LYRM1: variants seen among roughly 807,000 people sequenced by gnomAD.
LYRM1 encodes LYR motif containing 1.
In LYRM1, 14 loss-of-function variants were observed where a neutral mutation model predicts 14.9. That is an observed-to-expected ratio of 0.94 (90% CI 0.62 to 1.47). LYRM1 has a LOEUF of 1.47. Among genes scored for constraint, LYRM1 ranks in the 40% most tolerant of loss-of-function variants. The pLI, the probability that LYRM1 is intolerant of heterozygous loss-of-function variation, is 0.00. For synonymous variants in LYRM1, 43 were observed against 56.2 expected (o/e 0.77, Z 1.05); for missense variants, 153 against 149.9 (o/e 1.02, Z -0.11).
intron 1 of LYRM1, among the ~76,000 whole-genome samples, chr16:20,905,050 A>G (rs959142609): frequency 6.6e-6 from 1 of 152,194 alleles, no homozygotes; most frequent in African/African-American, 2.4e-5. Context: ...AGGGATTATT[A>G]ATGATCAGAG....
intron 2 of LYRM1, among the ~76,000 whole-genome samples, chr16:20,919,036 ACTTGCAAACT>A (rs1375946824): frequency 9.2e-5 from 14 of 152,206 alleles, no homozygotes; most frequent in Non-Finnish European, 1.9e-4. Context: ...TTTGAAGTCC[ACTTGCAAACT>A]CCTAGCAGAG....
intron 1 of LYRM1, among the ~76,000 whole-genome samples, chr16:20,907,081 C>G (rs1160287268): frequency 6.6e-6 from 1 of 152,138 alleles, no homozygotes; most frequent in Non-Finnish European, 1.5e-5. Flanking sequence ...TTGACCCTGA[C>G]TCCTGTCAAC....
Position 20,920,181 on chromosome 16 carries a change from T to G in LYRM1, c.219T>G (p.Ile73Met). The G allele has an allele frequency of 6.2e-7, 1 of 1,614,110 alleles. No homozygotes were observed. Residue 73 changes from isoleucine to methionine, a missense_variant, in exon 3 of 4, where the codon ATT becomes ATG. Coordinates refer to ENST00000567954, the MANE Select transcript of LYRM1 (RefSeq NM_001128302.3). Reference protein sequence around the residue: ...CIDECTARIEIGLHYKIPYPR... With the variant: ...CIDECTARIEMGLHYKIPYPR... The stretch of plus-strand genomic sequence containing the variant: ...ATGAATGCACAGCCAGGATTGAAAT[T>G]GGACTGCATTACAAGATTCCTTACC...
intron 2 of LYRM1, among the ~76,000 whole-genome samples, chr16:20,918,415 G>A (rs2083019065): frequency 1.3e-5 from 2 of 152,166 alleles, no homozygotes; most frequent in Non-Finnish European, 1.5e-5. Context: ...TTTAAGATAC[G>A]TACTTGCTTT....
Position 20,915,658 on chromosome 16 carries a change from A to T in LYRM1, c.103A>T (p.Lys35Ter). 1 of 1,614,158 alleles carries T rather than the reference A, an allele frequency of 6.2e-7. No individual in the cohort carries two copies. The highest frequency in any genetic ancestry group is 8.5e-7 in the Non-Finnish European group (1 of 1,180,012). Residue 35 changes from lysine (K) to a stop codon, truncating the protein, a stop_gained, in exon 2 of 4, where the codon AAA (lysine) becomes TAA (stop). Coordinates refer to ENST00000567954, the MANE Select transcript of LYRM1 (RefSeq NM_001128302.3). LOFTEE classifies it high-confidence loss of function. ...ATCAGGGCAGATGGAAGACACCATCAAAGAAAAACAGTACATACTAAATGA... is the reference window on the plus strand; with the variant it reads ...ATCAGGGCAGATGGAAGACACCATCTAAGAAAAACAGTACATACTAAATGA... ...ATSGQMEDTI[K>*]EKQYILNEAR... is the part of the protein sequence containing the mutation.
At chr16:20,922,924 C>CT (rs1302929478) in intron 3 of LYRM1, among the ~76,000 whole-genome samples, 1 of 152,064 alleles carries the variant, frequency 6.6e-6, no homozygotes, top group African/African-American at 2.4e-5. Flanking sequence ...CCTGAGAACC[C>CT]AAGGGGCCAA....
At chr16:20,921,377 C>CA (rs1440545557) in intron 3 of LYRM1, 3 of 152,106 alleles carry the variant, frequency 2.0e-5, no homozygotes, top group Non-Finnish European at 4.4e-5. Context: ...AGGCATGAGC[C>CA]ACCGTGCCTG....
chr16:20,922,209 C>G (rs1340554692), intron 3 of LYRM1, among the ~76,000 whole-genome samples: 2 of 151,914 alleles, frequency 1.3e-5, no homozygotes, highest in African/African-American at 4.8e-5. Context: ...AGGCTGGTCT[C>G]GAACTCCTGG....
intron 2 of LYRM1, among the ~76,000 whole-genome samples, chr16:20,919,038 T>C (rs1305182274): frequency 6.6e-6 from 1 of 152,188 alleles, no homozygotes; most frequent in Admixed American, 6.5e-5. Context: ...TGAAGTCCAC[T>C]TGCAAACTCC....
intron 1 of LYRM1, among the ~76,000 whole-genome samples, chr16:20,910,063 C>T (rs1403433347): frequency 6.6e-6 from 1 of 152,134 alleles, no homozygotes; most frequent in Non-Finnish European, 1.5e-5. Flanking sequence ...CTGAGACATC[C>T]ATATTTTCAC....
rs75851776 is a variant in LYRM1, at chr16:20,918,147, G to A, written c.160-1975G>A. ...TAGCTTCAGGTATCAGAGTTGTTCT[G>A]CCCAAGTAATAACTTTGATAGTTGA... On this transcript the variant is annotated intron_variant, in intron 2 of 3. Transcript: ENST00000567954. Among the ~76,000 whole-genome samples the A allele has an allele frequency of 6.4e-4, 98 of 152,168 alleles. 1 individual carries two copies. In the East Asian group the frequency reaches 0.015, roughly 23 times the overall value.
chr16:20,920,063 A>G, intron 2 of LYRM1, 59 bp from the exon 3 acceptor site: 2 of 1,165,932 alleles, frequency 1.7e-6, no homozygotes, highest in African/African-American at 1.5e-5. Flanking sequence ...ATGTATACCT[A>G]TACTCTATGT....
intron 1 of LYRM1, among the ~76,000 whole-genome samples, chr16:20,909,945 A>G (rs777398302): frequency 6.6e-6 from 1 of 152,204 alleles, no homozygotes; most frequent in Non-Finnish European, 1.5e-5. Context: ...GACTTTAACA[A>G]ACCATTACTT....
intron 2 of LYRM1, 43 bp from the exon 3 acceptor site, chr16:20,920,079 T>C: frequency 7.3e-7 from 1 of 1,363,762 alleles, no homozygotes; most frequent in Non-Finnish European, 1.0e-6. Context: ...TATGTACCAT[T>C]AGAAAGATAC....
In LYRM1 at chr16:20,924,112, C is replaced by A; in HGVS notation, c.365C>A (p.Ser122Tyr). Residue 122 changes from serine to tyrosine, a missense_variant, in exon 4 of 4, where the codon TCC becomes TAC. By Grantham distance (144) the Ser-to-Tyr change is moderately radical. Transcript: ENST00000567954. ...TATCTCAGATCTCATGATGAAGTTT[C>A]CTAATCTAGAGGAAAGTTTATTTCT... ...PVYLRSHDEVS is the reference protein window; with the variant it reads ...PVYLRSHDEVY 6.4e-7 allele frequency: 1 copy of A among 1,558,896 alleles called. No individual in the cohort carries two copies. Among genetic ancestry groups the A allele is most frequent in the South Asian group, 1.1e-5 (1 of 87,912 alleles).
intron 1 of LYRM1, among the ~76,000 whole-genome samples, chr16:20,912,633 A>G (rs182290884): frequency 3.6e-4 from 55 of 152,308 alleles, no homozygotes; most frequent in African/African-American, 1.2e-3. Context: ...TAGATAGTAC[A>G]TTGGGATATC....
intron 1 of LYRM1, among the ~76,000 whole-genome samples, chr16:20,911,753 C>A (rs2082605426): frequency 6.6e-6 from 1 of 151,874 alleles, no homozygotes. Flanking sequence ...AGAGGGGGGG[C>A]TGAAATACTT....
chr16:20,922,584 GGT>G (rs1596815939), intron 3 of LYRM1, among the ~76,000 whole-genome samples: 2 of 152,178 alleles, frequency 1.3e-5, no homozygotes, highest in East Asian at 3.9e-4. Flanking sequence ...CCACCTCCTG[GGT>G]TCAAGCGATT....
chr16:20,913,283 A>G (rs1185557497), intron 1 of LYRM1, among the ~76,000 whole-genome samples: 2 of 148,722 alleles, frequency 1.3e-5, no homozygotes, highest in East Asian at 2.0e-4. Flanking sequence ...TTGTAACTGT[A>G]TGGCTATTAT....
Sources: gnomAD v4.1 joint callset for allele counts (sites outside exome capture counted in the v4.1 genomes callset) on GRCh38, gnomAD v4.1.1 for gene constraint, MANE v1.5 for transcripts, NCBI Gene and HGNC (gene_info 2026-07-23, HGNC 2026-07-21) for gene names.